MEIOC: variants seen among roughly 807,000 people sequenced by gnomAD.
MEIOC encodes the protein meiosis specific with coiled-coil domain.
MEIOC carries 9 observed loss-of-function variants against 85.3 expected under a neutral mutation model. The ratio of observed to expected loss-of-function variants is 0.11; its 90% confidence interval spans 0.06 to 0.18. The LOEUF is 0.18. MEIOC is among the 10% of genes least tolerant of loss of function. The pLI, the probability that MEIOC is intolerant of heterozygous loss-of-function variation, is 1.00. For missense variants in MEIOC, 898 were observed against 1,129.4 expected (o/e 0.80, Z 2.94); for synonymous variants, 365 against 393.7 (o/e 0.93, Z 0.86).
At chr17:44,665,172 A>G (rs1287894759) in intron 3 of MEIOC, 2 of 1,073,838 alleles carry the variant, frequency 1.9e-6, no homozygotes, top group Non-Finnish European at 2.3e-6. Context: ...ATAGGATTTG[A>G]AATGAAGGAG....
rs917220983 is a variant in MEIOC at position 44,668,237 on chromosome 17, A to G, written c.2322+4A>G. Reference sequence around the variant, plus strand: ...ATTAGAAAAAGAGAGAAAAAAGGTAACACAAAGTTAACCACTTAGGAATAA... The same window carrying G: ...ATTAGAAAAAGAGAGAAAAAAGGTAGCACAAAGTTAACCACTTAGGAATAA... On this transcript the variant is annotated splice_donor_region_variant and intron_variant, in intron 5 of 7. Transcript: ENST00000409122. 12 of 1,586,198 alleles carry G rather than the reference A, an allele frequency of 7.6e-6. No homozygotes were observed. Among genetic ancestry groups the G allele is most frequent in the Non-Finnish European group, 9.4e-6 (11 of 1,169,264 alleles).
intron 5 of MEIOC, 81 bp from the exon 6 acceptor site, chr17:44,669,302 A>G: frequency 8.6e-7 from 1 of 1,161,634 alleles, no homozygotes; most frequent in Admixed American, 2.5e-5. Context: ...TACTCTATTT[A>G]TTAGGCTTAC....
chr17:44,672,587 T>C (rs8069752), intron 6 of MEIOC, among the ~76,000 whole-genome samples: 135,231 of 152,196 alleles, frequency 0.89, 60,164 homozygotes, highest in Middle Eastern at 0.94. Flanking sequence ...AATCATTTAA[T>C]TCCCAAAGAC....
downstream of MEIOC, among the ~76,000 whole-genome samples, chr17:44,676,663 A>G (rs1039150131): frequency 5.3e-5 from 8 of 152,114 alleles, no homozygotes; most frequent in Non-Finnish European, 1.0e-4. Context: ...TCTACTAAAA[A>G]TACAAAAAAT....
intron 7 of MEIOC, 162 bp downstream of exon 7, chr17:44,673,708 A>C (rs1249092106): frequency 4.0e-6 from 3 of 747,272 alleles, no homozygotes; most frequent in African/African-American, 3.5e-5. Flanking sequence ...AAGTATTTCC[A>C]TTTTATTAAT....
At chr17:44,661,356 C>T (rs928413879) in intron 2 of MEIOC, among the ~76,000 whole-genome samples, 1 of 147,580 alleles carries the variant, frequency 6.8e-6, no homozygotes, top group African/African-American at 2.5e-5. Context: ...AAAAGACCTT[C>T]AGTTTTGGTT....
chr17:44,656,479 A>T lies in MEIOC; in HGVS notation c.-135A>T. ...CTTCCCTTACCCGCACACTGGCTCCAGGCAGCGCCCGGGCGGCGGAGGCGG... is the reference window on the plus strand; with the variant it reads ...CTTCCCTTACCCGCACACTGGCTCCTGGCAGCGCCCGGGCGGCGGAGGCGG... On this transcript the variant is annotated 5_prime_UTR_variant, in exon 1 of 8. Transcript: ENST00000409122. 1 of 634,246 alleles carries T rather than the reference A, an allele frequency of 1.6e-6. No homozygotes were observed. The highest frequency in any genetic ancestry group is 2.4e-6 in the Non-Finnish European group (1 of 412,956). The allele number at this position is 634,246 out of a possible 1,614,324, so 39.3% of individuals were successfully genotyped here.
Position 44,666,442 on chromosome 17 carries a change from C to A in MEIOC, c.531C>A (p.Asp177Glu). 1 of 1,557,544 alleles carries A rather than the reference C, an allele frequency of 6.4e-7. No homozygotes were observed. Among genetic ancestry groups the A allele is most frequent in the Non-Finnish European group, 8.7e-7 (1 of 1,149,502 alleles). The change falls in exon 5 of 8, where the codon GAC (aspartate) becomes GAA (glutamate). Residue 177 changes from aspartate (D) to glutamate (E), a missense_variant. By Grantham distance (45) the Asp-to-Glu change is conservative. Transcript: ENST00000409122. The stretch of plus-strand genomic sequence containing the variant: ...CAAGCAGATTTGCAGATCACCATGA[C>A]CTCTTAACAGAAACCAAAAGGCCAA... ...MNTSRFADHHDLLTETKRPID... is the reference protein window; with the variant it reads ...MNTSRFADHHELLTETKRPID...
chr17:44,669,175 C>A (rs1971960478), intron 5 of MEIOC, among the ~76,000 whole-genome samples: 1 of 151,894 alleles, frequency 6.6e-6, no homozygotes, highest in Admixed American at 6.6e-5. Flanking sequence ...TGCACTCCAG[C>A]CTGGGCAATA....
At chr17:44,663,372 T>C (rs1282983413) in intron 3 of MEIOC, among the ~76,000 whole-genome samples, 1 of 152,148 alleles carries the variant, frequency 6.6e-6, no homozygotes, top group African/African-American at 2.4e-5. Context: ...CATCTATCTT[T>C]AATTATATAT....
intron 2 of MEIOC, among the ~76,000 whole-genome samples, chr17:44,658,320 A>G (rs1451554315): frequency 1.3e-5 from 2 of 150,754 alleles, no homozygotes; most frequent in Non-Finnish European, 1.5e-5. Context: ...ACGCCCGGCT[A>G]ATTTTTTTGT....
rs527557626 is a variant in MEIOC, at chr17:44,674,076, A to C, written c.2739A>C (p.Thr913=). The part of the protein sequence containing the change: ...WCALQMTLPK[T]ASTADVVKPL... ...CACTGCAGATGACCTTGCCAAAAACAGCCAGTACAGCTGATGTGGTAAAGC... is the reference window on the plus strand; with the variant it reads ...CACTGCAGATGACCTTGCCAAAAACCGCCAGTACAGCTGATGTGGTAAAGC... The change falls in exon 8 of 8, where the codon ACA becomes ACC. Residue 913 remains threonine, a synonymous_variant. Coordinates refer to ENST00000409122, the MANE Select transcript of MEIOC (RefSeq NM_001145080.3). 112 of 1,551,788 alleles carry C rather than the reference A, an allele frequency of 7.2e-5. 1 individual carries two copies. Among genetic ancestry groups the C allele is most frequent in the Admixed American group, 4.5e-4 (23 of 51,008 alleles).
At position 44,666,996 on chromosome 17, in the gene MEIOC, C is replaced by T. The variant is rs751184425; in HGVS notation, c.1085C>T (p.Thr362Ile). 3 of 1,613,566 alleles carry T rather than the reference C, an allele frequency of 1.9e-6. No individual in the cohort carries two copies. Among genetic ancestry groups the T allele is most frequent in the Non-Finnish European group, 1.7e-6 (2 of 1,179,696 alleles). ...KLANGTPETP[T>I]VEADTYTKLF... ...GCCAATGGCACACCTGAAACACCAA[C>T]TGTAGAAGCAGACACCTACACAAAG... is the stretch of plus-strand genomic sequence containing the variant. Residue 362 changes from threonine to isoleucine, a missense_variant, in exon 5 of 8, where the codon ACT becomes ATT. Around this residue, in one of 2 missense-constraint regions of MEIOC, gnomAD observed 734 missense variants for 860.1 expected, o/e 0.85. Coordinates refer to ENST00000409122, the MANE Select transcript of MEIOC (RefSeq NM_001145080.3).
chr17:44,663,321 A>G (rs1971865308), intron 3 of MEIOC, among the ~76,000 whole-genome samples: 1 of 151,760 alleles, frequency 6.6e-6, no homozygotes, highest in Non-Finnish European at 1.5e-5. Context: ...TAACTAGGAT[A>G]TTATGGGAGC....
Position 44,674,163 on chromosome 17 carries a change from A to G in MEIOC, c.2826A>G (p.Pro942=). ...KVHESINSSN[P]MNQRGETNKH ...ATGAAAGCATAAATAGTAGCAATCC[A>G]ATGAACCAGAGAGGTGAAACAAACA... Residue 942 remains proline, a synonymous_variant, in exon 8 of 8, where the codon CCA becomes CCG. Coordinates refer to ENST00000409122, the MANE Select transcript of MEIOC (RefSeq NM_001145080.3). The G allele has an allele frequency of 1.3e-6, 2 of 1,551,652 alleles. No individual in the cohort carries two copies. Among genetic ancestry groups the G allele is most frequent in the Non-Finnish European group, 1.7e-6 (2 of 1,146,930 alleles).
At chr17:44,669,918 A>G (rs1257014789) in intron 6 of MEIOC, 1 of 164,728 alleles carries the variant, frequency 6.1e-6, no homozygotes, top group African/African-American at 2.4e-5. Context: ...TTTTTAAATC[A>G]CATTTACATC....
chr17:44,662,355 A>G lies in MEIOC; in HGVS notation c.243A>G (p.Pro81=). Residue 81 remains proline, a synonymous_variant, in exon 3 of 8, where the codon CCA becomes CCG. Coordinates refer to ENST00000409122, the MANE Select transcript of MEIOC (RefSeq NM_001145080.3). ...TAGACCTAAGGCAGACCTATACTCC[A>G]TTTTCTTCAACAGAATATTCAAGTT... ...DNVDLRQTYT[P]FSSTEYSSSV... 1 of 1,550,194 alleles carries G rather than the reference A, an allele frequency of 6.5e-7. No homozygotes were observed. Among genetic ancestry groups the G allele is most frequent in the Non-Finnish European group, 8.7e-7 (1 of 1,146,252 alleles).
chr17:44,659,640 C>T (rs895903719), intron 2 of MEIOC, among the ~76,000 whole-genome samples: 42 of 152,254 alleles, frequency 2.8e-4, no homozygotes, highest in Admixed American at 1.0e-3. Context: ...TGAAAGAATA[C>T]TCCCAAAATA....
rs762643492 is a variant in MEIOC at position 44,662,269 on chromosome 17, A to C, written c.205-48A>C. The C allele has an allele frequency of 2.2e-6, 3 of 1,374,902 alleles. No individual in the cohort carries two copies. In the South Asian group the frequency reaches 4.1e-5, roughly 19 times the overall value. The allele number at this position is 1,374,902 out of a possible 1,614,324, so 85.2% of individuals were successfully genotyped here. On this transcript the variant is annotated intron_variant, in intron 2 of 7. Coordinates refer to ENST00000409122, the MANE Select transcript of MEIOC (RefSeq NM_001145080.3). ...TTTCTTATTTTTCTCATATTCTACA[A>C]CAAATGAAGTTTTGATGTGTCTGAT...
Sources: allele counts gnomAD v4.1 joint callset (sites outside exome capture counted in the v4.1 genomes callset), GRCh38; gene constraint gnomAD v4.1.1; regional missense constraint gnomAD v4.1.1; transcripts MANE v1.5; gene names NCBI Gene and HGNC (gene_info 2026-07-23, HGNC 2026-07-21).